LINGO2: variants seen among roughly 807,000 people sequenced by gnomAD.
LINGO2 encodes leucine-rich repeat and immunoglobulin-like domain-containing nogo receptor-interacting protein 2.
LINGO2 carries 14 observed loss-of-function variants against 30.6 expected under a neutral mutation model. The ratio of observed to expected loss-of-function variants is 0.46; its 90% CI spans 0.30 to 0.72. The LOEUF is 0.72. Among genes scored for constraint, LINGO2 ranks in the 30% least tolerant of loss-of-function variants. The probability of loss-of-function intolerance (pLI) is 0.07; values close to 1 mark genes in which losing one functional copy is unlikely to be tolerated. For synonymous variants in LINGO2, 317 were observed against 288.5 expected (o/e 1.10, Z -1.00); for missense variants, 729 against 751.7 (o/e 0.97, Z 0.35).
chr9:28,948,025 C>T, the LINGO2 span, among the ~76,000 whole-genome samples: 6 of 151,918 alleles, frequency 3.9e-5, no homozygotes, highest in Non-Finnish European at 7.4e-5. Context: ...TGGTTTTGCC[C>T]TAATTATTTA....
chr9:28,128,902 C>T (rs1827309865), intron 4 of LINGO2, among the ~76,000 whole-genome samples: 1 of 152,184 alleles, frequency 6.6e-6, no homozygotes, highest in Non-Finnish European at 1.5e-5. Flanking sequence ...GGCAGACCCA[C>T]CCTCAGTCTG....
At chr9:29,112,156 C>T in the LINGO2 span, among the ~76,000 whole-genome samples, 1 of 141,156 alleles carries the variant, frequency 7.1e-6, no homozygotes, top group Non-Finnish European at 1.5e-5. Flanking sequence ...ATCCCTTCTC[C>T]CAAAATGATG....
chr9:28,976,831 G>C, the LINGO2 span, among the ~76,000 whole-genome samples: 2 of 151,850 alleles, frequency 1.3e-5, no homozygotes, highest in East Asian at 3.9e-4. Context: ...CAAGTTTTGA[G>C]GAAAAAAGGA....
chr9:27,951,509 T>C (rs1011476796), intron 5 of LINGO2, among the ~76,000 whole-genome samples: 2 of 152,178 alleles, frequency 1.3e-5, no homozygotes, highest in African/African-American at 2.4e-5. Context: ...AAAAGTATCA[T>C]TTAATGATAA....
Position 28,330,168 on chromosome 9 carries a change from A to T in LINGO2, c.-245-34802T>A, listed in dbSNP as rs547013372. ...CACACAGAGATAAGGCAATGTGAAT[A>T]CACAGTGAGATGGTACTGCCTACAA... On this transcript the variant is annotated intron_variant, in intron 3 of 5. Coordinates refer to ENST00000379992, the Ensembl canonical transcript of LINGO2. Among the ~76,000 whole-genome samples, 8 of 152,298 alleles carry T rather than the reference A, an allele frequency of 5.3e-5. No homozygotes were observed. In the South Asian group the frequency reaches 1.0e-3, roughly 20 times the overall value.
intron 2 of LINGO2, among the ~76,000 whole-genome samples, chr9:28,470,187 T>C (rs969096476): frequency 2.2e-4 from 34 of 152,308 alleles, no homozygotes; most frequent in African/African-American, 7.0e-4. Context: ...TATACAATAA[T>C]GAGAGTGTAT....
chr9:28,476,564 C>T (rs934754096), intron 1 of LINGO2, among the ~76,000 whole-genome samples: 8 of 152,180 alleles, frequency 5.3e-5, no homozygotes, highest in Non-Finnish European at 1.2e-4. Context: ...CGTGAGCCAC[C>T]GCGCCCGGCC....
chr9:27,987,204 G>T (rs1320216887), intron 5 of LINGO2, among the ~76,000 whole-genome samples: 1 of 151,840 alleles, frequency 6.6e-6, no homozygotes, highest in Non-Finnish European at 1.5e-5. Context: ...TTCTTAATAA[G>T]TAGCTATTAG....
At chr9:28,196,326 C>T (rs1383561548) in intron 4 of LINGO2, among the ~76,000 whole-genome samples, 2 of 151,528 alleles carry the variant, frequency 1.3e-5, no homozygotes, top group African/African-American at 4.8e-5. Context: ...ATCAGAATTT[C>T]CAGACCTATG....
chr9:28,397,951 T>C (rs1296427094), intron 2 of LINGO2, among the ~76,000 whole-genome samples: 1 of 152,216 alleles, frequency 6.6e-6, no homozygotes, highest in Non-Finnish European at 1.5e-5. Flanking sequence ...TATTGTGCTA[T>C]TACACATGTA....
chr9:28,769,348 C>T, the LINGO2 span, among the ~76,000 whole-genome samples: 2 of 148,154 alleles, frequency 1.3e-5, no homozygotes, highest in African/African-American at 5.0e-5. Context: ...TGCATGTTAA[C>T]AAATATTTTT....
At chr9:28,904,128 A>G in the LINGO2 span, among the ~76,000 whole-genome samples, 4 of 151,460 alleles carry the variant, frequency 2.6e-5, no homozygotes, top group East Asian at 7.8e-4. Flanking sequence ...ATCTCAATCA[A>G]TACAGAAAAA....
At chr9:28,240,024 C>T (rs553949483) in intron 4 of LINGO2, among the ~76,000 whole-genome samples, 1 of 151,996 alleles carries the variant, frequency 6.6e-6, no homozygotes, top group South Asian at 2.1e-4. Flanking sequence ...AAAAGTAATT[C>T]CATTTACAAT....
intron 4 of LINGO2, among the ~76,000 whole-genome samples, chr9:28,096,835 G>T (rs1253794506): frequency 6.6e-6 from 1 of 152,216 alleles, no homozygotes; most frequent in East Asian, 1.9e-4. Context: ...CCGACACACA[G>T]ATTGCTTCAA....
chr9:28,958,948 T>C, the LINGO2 span, among the ~76,000 whole-genome samples: 1 of 152,072 alleles, frequency 6.6e-6, no homozygotes, highest in South Asian at 2.1e-4. Context: ...GAGCAGGGAC[T>C]GGTACATGGG....
At chr9:28,120,912 A>T (rs925851565) in intron 4 of LINGO2, among the ~76,000 whole-genome samples, 4 of 152,330 alleles carry the variant, frequency 2.6e-5, no homozygotes, top group African/African-American at 9.6e-5. Flanking sequence ...AGTAAGAAAC[A>T]AAACTGCCTG....
intron 4 of LINGO2, among the ~76,000 whole-genome samples, chr9:28,215,276 T>C (rs1361495842): frequency 2.0e-5 from 3 of 151,928 alleles, no homozygotes; most frequent in Admixed American, 2.0e-4. Flanking sequence ...AGGTCAAAAG[T>C]TTACACTTGA....
intron 1 of LINGO2, among the ~76,000 whole-genome samples, chr9:28,657,506 G>T (rs1828402254): frequency 6.6e-6 from 1 of 151,770 alleles, no homozygotes; most frequent in African/African-American, 2.4e-5. Context: ...CTACAAATTT[G>T]TCCATTTCAT....
the LINGO2 span, among the ~76,000 whole-genome samples, chr9:28,963,662 T>C: frequency 5.3e-5 from 8 of 150,942 alleles, no homozygotes; most frequent in Non-Finnish European, 5.9e-5. Context: ...TTATGGTAAG[T>C]GAAATAAGCC....
Sources: allele counts gnomAD v4.1 joint callset (sites outside exome capture counted in the v4.1 genomes callset), GRCh38; gene constraint gnomAD v4.1.1; transcripts MANE v1.5; gene names NCBI Gene and HGNC (gene_info 2026-07-23, HGNC 2026-07-21).